DDHD1: variants seen among roughly 807,000 people sequenced by gnomAD.
DDHD1 encodes phospholipase DDHD1.
DDHD1 carries 49 observed loss-of-function variants against 96.4 expected under a neutral mutation model. That is an observed-to-expected ratio of 0.51 (90% confidence interval 0.40 to 0.64). The LOEUF is 0.64. DDHD1 is among the 30% of genes least tolerant of loss of function. The pLI, the probability that DDHD1 is intolerant of heterozygous loss-of-function variation, is 0.00. For synonymous variants in DDHD1, 442 were observed against 446.5 expected (o/e 0.99, Z 0.13); for missense variants, 1,106 against 1,161.2 (o/e 0.95, Z 0.69).
intron 7 of DDHD1, 200 bp from the exon 8 acceptor site, chr14:53,061,401 C>G (rs948309958): frequency 1.8e-5 from 8 of 436,258 alleles, no homozygotes; most frequent in Non-Finnish European, 2.8e-5. Context: ...AGTAAAGTAC[C>G]GCTAGTTGTC....
chr14:53,056,731 C>G (rs996943205), intron 9 of DDHD1, among the ~76,000 whole-genome samples: 2 of 152,120 alleles, frequency 1.3e-5, no homozygotes, highest in Non-Finnish European at 2.9e-5. Context: ...GTAAAAACTG[C>G]CTTGCACCGT....
At chr14:53,054,239 A>G (rs924791266) in intron 11 of DDHD1, 199 bp downstream of exon 11, 11 of 511,326 alleles carry the variant, frequency 2.2e-5, no homozygotes, top group Non-Finnish European at 3.8e-5. Flanking sequence ...TAATTCATCA[A>G]TGCAGAAAGT....
intron 1 of DDHD1, among the ~76,000 whole-genome samples, chr14:53,133,762 A>C (rs1890042207): frequency 6.6e-6 from 1 of 152,150 alleles, no homozygotes; most frequent in Non-Finnish European, 1.5e-5. Flanking sequence ...GCTACACAGG[A>C]AATTTGCCAA....
intron 2 of DDHD1, among the ~76,000 whole-genome samples, chr14:53,095,428 G>A (rs1040341685): frequency 6.6e-6 from 1 of 152,068 alleles, no homozygotes; most frequent in African/African-American, 2.4e-5. Flanking sequence ...ATGATCATAA[G>A]ACATTTTTAT....
intron 9 of DDHD1, 83 bp downstream of exon 9, chr14:53,058,394 C>G (rs1479817035): frequency 6.8e-7 from 1 of 1,463,122 alleles, no homozygotes; most frequent in East Asian, 2.3e-5. Flanking sequence ...GGATTACAAG[C>G]GTGAGCCACT....
intron 4 of DDHD1, among the ~76,000 whole-genome samples, chr14:53,078,555 A>G (rs1309343401): frequency 3.3e-5 from 5 of 152,134 alleles, no homozygotes; most frequent in African/African-American, 1.2e-4. Flanking sequence ...TGGTTTGCTA[A>G]TATTTTCTCC....
chr14:53,047,267 T>C (rs1206357602), intron 12 of DDHD1, among the ~76,000 whole-genome samples: 2 of 152,230 alleles, frequency 1.3e-5, no homozygotes, highest in Non-Finnish European at 2.9e-5. Flanking sequence ...GGCATTACCA[T>C]TTAATCCTTG....
At chr14:53,059,276 G>T (rs890504747) in intron 8 of DDHD1, among the ~76,000 whole-genome samples, 1 of 151,800 alleles carries the variant, frequency 6.6e-6, no homozygotes, top group African/African-American at 2.4e-5. Flanking sequence ...ACCGAGTCTC[G>T]CTCTGTCACC....
intron 1 of DDHD1, among the ~76,000 whole-genome samples, chr14:53,126,453 G>C (rs957440364): frequency 6.6e-6 from 1 of 152,116 alleles, no homozygotes; most frequent in Admixed American, 6.5e-5. Flanking sequence ...CTGCAGCCTC[G>C]ACTTCCCGGG....
At chr14:53,087,434 A>G (rs1422429821) in intron 4 of DDHD1, among the ~76,000 whole-genome samples, 2 of 152,190 alleles carry the variant, frequency 1.3e-5, no homozygotes, top group Non-Finnish European at 2.9e-5. Context: ...CAGCAAAGGT[A>G]AAAGAACCCA....
At chr14:53,099,436 T>C (rs1887133886) in intron 2 of DDHD1, among the ~76,000 whole-genome samples, 1 of 152,192 alleles carries the variant, frequency 6.6e-6, no homozygotes, top group Non-Finnish European at 1.5e-5. Flanking sequence ...AATTCCTCAA[T>C]ATTTACTTGT....
At chr14:53,108,249 A>T (rs1360765357) in intron 1 of DDHD1, among the ~76,000 whole-genome samples, 3 of 152,198 alleles carry the variant, frequency 2.0e-5, no homozygotes, top group Non-Finnish European at 2.9e-5. Flanking sequence ...GACTGGGCTA[A>T]AGGCTTGCCA....
chr14:53,141,497 A>G lies in DDHD1; in HGVS notation c.838+10764T>C, dbSNP rs139877379. ...GATCTCTTGTACCAAATCTCCAGGG[A>G]TAAGATCTGAGAATCTGTATTTTAA... On this transcript the variant is annotated intron_variant, in intron 1 of 12. Transcript: ENST00000673822. Among the ~76,000 whole-genome samples, 444 of 152,330 alleles carry G rather than the reference A, an allele frequency of 2.9e-3. 1 individual carries two copies. The highest frequency in any genetic ancestry group is 0.01 in the African/African-American group (425 of 41,584).
rs1472702535 is a variant in DDHD1, at chr14:53,143,810, C to T, written c.838+8451G>A. On this transcript the variant is annotated intron_variant, in intron 1 of 12. Coordinates refer to ENST00000673822, the MANE Select transcript of DDHD1 (RefSeq NM_001160148.2). ...ACATTGATTTCTTTATTATGGCTAG[C>T]AGATATTTAAGAAAGTTAGCACAGG... 2.0e-5 allele frequency among the ~76,000 whole-genome samples: 3 copies of T among 152,284 alleles called. No individual in the cohort carries two copies. In the East Asian group the frequency reaches 5.8e-4, roughly 29 times the overall value.
chr14:53,137,448 T>C (rs1378338352), intron 1 of DDHD1, among the ~76,000 whole-genome samples: 1 of 151,938 alleles, frequency 6.6e-6, no homozygotes, highest in East Asian at 1.9e-4. Flanking sequence ...AAAAATTAGC[T>C]GGGCTTGGTG....
chr14:53,083,523 G>C (rs1566549067), intron 4 of DDHD1, among the ~76,000 whole-genome samples: 1 of 152,196 alleles, frequency 6.6e-6, no homozygotes, highest in African/African-American at 2.4e-5. Context: ...GAACAAAGGT[G>C]ATTGAAGCTA....
At chr14:53,068,267 G>C (rs1209913557) in intron 6 of DDHD1, among the ~76,000 whole-genome samples, 1 of 60,710 alleles carries the variant, frequency 1.6e-5, no homozygotes, top group African/African-American at 7.1e-5. Flanking sequence ...TTTTTGAGAT[G>C]GGGTCTTGCT....
intron 2 of DDHD1, among the ~76,000 whole-genome samples, chr14:53,098,861 T>A (rs1269902570): frequency 6.6e-6 from 1 of 152,090 alleles, no homozygotes; most frequent in Non-Finnish European, 1.5e-5. Flanking sequence ...CAGTAAGAAT[T>A]CCAATCTTTT....
rs909683383 is a variant in DDHD1 at position 53,044,305 on chromosome 14, A to C, written c.*2463T>G. ...AATTCAAATAAACTCCAAATGGTTA[A>C]ATTTGACTGTTTTCTCAACATGAAA... On this transcript the variant is annotated 3_prime_UTR_variant, in exon 13 of 13. Coordinates refer to ENST00000673822, the MANE Select transcript of DDHD1 (RefSeq NM_001160148.2). 6.6e-6 allele frequency: 1 copy of C among 152,204 alleles called. No homozygotes were observed. The highest frequency in any genetic ancestry group is 2.4e-5 in the African/African-American group (1 of 41,440). The allele number at this position is 152,204 out of a possible 1,614,324, so 9.4% of individuals were successfully genotyped here.
Sources: allele counts gnomAD v4.1 joint callset (sites outside exome capture counted in the v4.1 genomes callset), GRCh38; gene constraint gnomAD v4.1.1; transcripts MANE v1.5; gene names NCBI Gene and HGNC (gene_info 2026-07-23, HGNC 2026-07-21).